The following FGF13 variants were observed in gnomAD, a reference collection of about 807,000 sequenced individuals.
FGF13 encodes fibroblast growth factor homologous factor 2.
A neutral mutation model predicts 19.5 loss-of-function variants in FGF13; 2 were observed. The observed-to-expected ratio is 0.10, with a 90% CI of 0.04 to 0.32. The LOEUF (loss-of-function observed/expected upper bound fraction) is 0.32. FGF13 is among the 10% of genes least tolerant of loss of function. The pLI is 1.00. For missense variants in FGF13, 113 were observed against 192.7 expected, an observed-to-expected ratio of 0.59 and a Z score of 2.45; for synonymous variants, 72 against 76.9, an observed-to-expected ratio of 0.94 and a Z score of 0.33.
intron 1 of FGF13, among the ~76,000 whole-genome samples, chrX:139,061,932 T>C (rs2092337560): frequency 1.9e-5 from 2 of 105,178 alleles, no homozygotes; most frequent in South Asian, 4.3e-4. Context: ...CTTCTTGCTA[T>C]TGCGTTCTCT....
At position 139,064,684 on chromosome X, in the gene FGF13, G is replaced by T. The variant is rs761478898; in HGVS notation, c.-113+138732C>A. Among the ~76,000 whole-genome samples the T allele has an allele frequency of 2.7e-5, 3 of 111,122 alleles. No homozygotes were observed. In the Admixed American group the frequency reaches 2.9e-4, roughly 11 times the overall value. The stretch of plus-strand genomic sequence containing the variant: ...GCTCTTCTCAAGGAATATCTTTGTG[G>T]TGTTCTCTGTATTTCCTGAATTTGA... On this transcript the variant is annotated intron_variant, in intron 1 of 2. Coordinates refer to the FGF13 transcript ENST00000421460.
intron 1 of FGF13, among the ~76,000 whole-genome samples, chrX:138,952,644 T>A (rs1167232948): frequency 4.5e-5 from 5 of 111,196 alleles, no homozygotes; most frequent in Admixed American, 9.5e-5. Flanking sequence ...ACAGGCAACC[T>A]ACAGAATGGG....
chrX:139,024,031 C>T (rs887483739), intron 1 of FGF13, among the ~76,000 whole-genome samples: 3 of 111,195 alleles, frequency 2.7e-5, no homozygotes, highest in South Asian at 3.8e-4. Context: ...AATGTTTCTC[C>T]GGGCTTAAAG....
chrX:138,629,031 G>A lies in FGF13; in HGVS notation c.*3819C>T, dbSNP rs2089090612. The A allele has an allele frequency of 8.9e-6, 1 of 112,158 alleles. No homozygotes were observed. Among genetic ancestry groups the A allele is most frequent in the South Asian group, 3.7e-4 (1 of 2,704 alleles). 9.2% of individuals were successfully genotyped at this position (112,158 alleles called of 1,213,427 possible). A position where few individuals can be genotyped will look rare whatever the true frequency, so the allele number is the denominator to read the frequency against. ...GATTGAATACACGTTCACAGATGGG[G>A]TGGAAAACTGACATTAAGTGCCATG... is the stretch of plus-strand genomic sequence containing the variant. On this transcript the variant is annotated 3_prime_UTR_variant, in exon 5 of 5. Transcript: ENST00000315930.
chrX:139,047,639 T>TTCCTTATGTG (rs1472910213), intron 1 of FGF13, among the ~76,000 whole-genome samples: 1 of 111,771 alleles, frequency 8.9e-6, no homozygotes, highest in Non-Finnish European at 1.9e-5. Context: ...AAGCCTCAAT[T>TTCCTTATGTG]TCCTTATGTG....
At chrX:138,654,758 T>C (rs2124137938) in intron 3 of FGF13, among the ~76,000 whole-genome samples, 1 of 109,751 alleles carries the variant, frequency 9.1e-6, no homozygotes. Context: ...CATACATACA[T>C]ACATACATAC....
At chrX:138,667,631 G>A (rs989013432) in intron 3 of FGF13, 4 of 336,938 alleles carry the variant, frequency 1.2e-5, no homozygotes, top group African/African-American at 1.1e-4. Flanking sequence ...ATGAAGCATT[G>A]GGGTGGTGGG....
chrX:138,918,037 C>T (rs914232731), intron 1 of FGF13, among the ~76,000 whole-genome samples: 1 of 111,108 alleles, frequency 9.0e-6, no homozygotes, highest in Admixed American at 9.6e-5. Context: ...GATCCATCTC[C>T]CTTGGAAAGA....
At chrX:139,092,762 G>A (rs990983948) in intron 1 of FGF13, among the ~76,000 whole-genome samples, 2 of 111,848 alleles carry the variant, frequency 1.8e-5, no homozygotes, top group African/African-American at 6.5e-5. Context: ...AGCCCCACAA[G>A]AGAAATTAGT....
At chrX:138,755,140 A>G in intron 3 of FGF13, among the ~76,000 whole-genome samples, 1 of 112,150 alleles carries the variant, frequency 8.9e-6, no homozygotes, top group African/African-American at 3.2e-5. Flanking sequence ...CATGAAATAA[A>G]CAAGTAGCCT....
chrX:139,082,556 T>A (rs1458221753), intron 1 of FGF13, among the ~76,000 whole-genome samples: 1 of 110,924 alleles, frequency 9.0e-6, no homozygotes, highest in Non-Finnish European at 1.9e-5. Context: ...GAGAAGCCCA[T>A]GTGAAGACAG....
intron 3 of FGF13, among the ~76,000 whole-genome samples, chrX:138,763,621 C>T (rs1220399714): frequency 4.5e-5 from 5 of 111,940 alleles, no homozygotes; most frequent in Non-Finnish European, 9.4e-5. Context: ...ATCCTCTACC[C>T]TAAATCATGA....
chrX:139,000,262 T>C (rs918834955), intron 1 of FGF13, among the ~76,000 whole-genome samples: 4 of 111,909 alleles, frequency 3.6e-5, no homozygotes, highest in African/African-American at 6.5e-5. Flanking sequence ...AGCATTTCCT[T>C]TGAAAACCAG....
intron 1 of FGF13, among the ~76,000 whole-genome samples, chrX:138,980,559 C>G (rs887176710): frequency 9.0e-6 from 1 of 111,140 alleles, no homozygotes; most frequent in South Asian, 3.7e-4. Context: ...CTACAAAATG[C>G]AATACAATTG....
In FGF13 at chrX:139,165,352, A is replaced by G. The variant is rs770687090; in HGVS notation, c.-113+38064T>C. Among the ~76,000 whole-genome samples the G allele has an allele frequency of 2.7e-5, 3 of 112,196 alleles. No homozygotes were observed. The South Asian group carries it at 1.1e-3, about 42-fold the overall frequency. On this transcript the variant is annotated intron_variant, in intron 1 of 2. Coordinates refer to the FGF13 transcript ENST00000421460. The stretch of plus-strand genomic sequence containing the variant: ...CTTAAAGATGAAATTCATAATTAAA[A>G]GAGAGTAGCGGAACAGAAAGATTTG...
intron 1 of FGF13, among the ~76,000 whole-genome samples, chrX:139,082,170 C>T (rs1982492703): frequency 9.0e-6 from 1 of 111,640 alleles, no homozygotes; most frequent in African/African-American, 3.3e-5. Flanking sequence ...AACAAGCACA[C>T]TTCAGATTGA....
chrX:138,934,328 G>A (rs765798042), intron 1 of FGF13, among the ~76,000 whole-genome samples: 16 of 112,030 alleles, frequency 1.4e-4, no homozygotes, highest in Non-Finnish European at 3.0e-4. Flanking sequence ...AGGAAGATGA[G>A]GATGCCTTCT....
intron 3 of FGF13, among the ~76,000 whole-genome samples, chrX:138,814,033 C>A (rs1602900716): frequency 9.1e-6 from 1 of 109,527 alleles, no homozygotes; most frequent in South Asian, 3.9e-4. Context: ...AATTCAAAAT[C>A]CCAAAACTAT....
At chrX:138,990,560 C>CA (rs1271367332) in intron 1 of FGF13, 1 of 110,105 alleles carries the variant, frequency 9.1e-6, no homozygotes, top group African/African-American at 3.3e-5. Flanking sequence ...CAAGCAGGAG[C>CA]AAGTCACATC....
Sources: gnomAD v4.1 joint callset for allele counts (sites outside exome capture counted in the v4.1 genomes callset) on GRCh38, gnomAD v4.1.1 for gene constraint, MANE v1.5 for transcripts, NCBI Gene and HGNC (gene_info 2026-07-23, HGNC 2026-07-21) for gene names.